Variants in STAG1 observed in about 807,000 individuals in gnomAD.
STAG1 encodes the protein STAG1 cohesin complex component.
In STAG1, 26 loss-of-function variants were observed where a neutral mutation model predicts 170.9. The observed-to-expected ratio is 0.15, with a 90% CI of 0.11 to 0.21. The LOEUF (loss-of-function observed/expected upper bound fraction) is 0.21, where lower values mean the gene tolerates loss of function less well. STAG1 is among the 10% of genes least tolerant of loss of function. STAG1 has a pLI of 1.00. For missense variants in STAG1, 964 were observed against 1,509.5 expected (o/e 0.64, Z 5.99); for synonymous variants, 514 against 497.7 (o/e 1.03, Z -0.44).
chr3:136,492,267 T>G (rs1454858981), intron 9 of STAG1, among the ~76,000 whole-genome samples: 1 of 152,242 alleles, frequency 6.6e-6, no homozygotes, highest in Admixed American at 6.5e-5. Flanking sequence ...AGTCAGGCTA[T>G]GACAGATCCA....
At chr3:136,724,452 G>A (rs887907905) in intron 1 of STAG1, among the ~76,000 whole-genome samples, 5 of 151,464 alleles carry the variant, frequency 3.3e-5, no homozygotes, top group Non-Finnish European at 7.4e-5. Context: ...AAGTACCCAG[G>A]GACACAAACA....
intron 13 of STAG1, among the ~76,000 whole-genome samples, chr3:136,456,264 T>C (rs2089108842): frequency 6.6e-6 from 1 of 151,912 alleles, no homozygotes; most frequent in East Asian, 1.9e-4. Context: ...AAAATCCAAA[T>C]AGAAAACTAA....
chr3:136,723,165 G>C (rs373130821), intron 1 of STAG1, among the ~76,000 whole-genome samples: 56 of 152,164 alleles, frequency 3.7e-4, no homozygotes, highest in Middle Eastern at 3.4e-3. Context: ...CGTCTGGGAC[G>C]TGAGGAGCCC....
chr3:136,708,971 T>TTA (rs1437998981), intron 1 of STAG1, among the ~76,000 whole-genome samples: 4 of 93,632 alleles, frequency 4.3e-5, no homozygotes, highest in Admixed American at 1.0e-4. Context: ...AGCTGGCTTT[T>TTA]TTTTTTTTTT....
At chr3:136,649,963 T>G (rs1380537789) in intron 1 of STAG1, among the ~76,000 whole-genome samples, 2 of 151,982 alleles carry the variant, frequency 1.3e-5, no homozygotes, top group African/African-American at 4.8e-5. Flanking sequence ...GAGAGGGGGT[T>G]TCACCGTGTC....
intron 1 of STAG1, among the ~76,000 whole-genome samples, chr3:136,676,200 A>T (rs1261807113): frequency 6.6e-6 from 1 of 152,212 alleles, no homozygotes; most frequent in Non-Finnish European, 1.5e-5. Context: ...AAGTTGCTCT[A>T]GGTGAGTGAG....
At chr3:136,522,518 T>G (rs1002513902) in intron 6 of STAG1, among the ~76,000 whole-genome samples, 1 of 141,006 alleles carries the variant, frequency 7.1e-6, no homozygotes, top group Admixed American at 7.7e-5. Flanking sequence ...CCCACTATAG[T>G]AGAGTTCCTC....
chr3:136,596,670 C>G (rs1938442338), intron 4 of STAG1, among the ~76,000 whole-genome samples: 2 of 152,184 alleles, frequency 1.3e-5, no homozygotes, highest in South Asian at 4.1e-4. Context: ...AGTACTGTAG[C>G]ATCATGTGTT....
intron 10 of STAG1, among the ~76,000 whole-genome samples, chr3:136,474,868 T>C (rs1335600307): frequency 1.3e-5 from 2 of 152,134 alleles, no homozygotes; most frequent in Non-Finnish European, 2.9e-5. Context: ...TAGAACCACC[T>C]AGCACATAGA....
chr3:136,467,205 C>T (rs56083120), intron 12 of STAG1, among the ~76,000 whole-genome samples: 3 of 152,128 alleles, frequency 2.0e-5, no homozygotes, highest in Admixed American at 2.0e-4. Context: ...TTAAAAGACA[C>T]AGACTGGCAA....
At chr3:136,419,501 G>C (rs749617241) in intron 20 of STAG1, among the ~76,000 whole-genome samples, 1 of 152,000 alleles carries the variant, frequency 6.6e-6, no homozygotes, top group Non-Finnish European at 1.5e-5. Context: ...CTGAGGTGCA[G>C]TGGTGTAATC....
intron 4 of STAG1, among the ~76,000 whole-genome samples, chr3:136,576,707 C>T (rs1450481433): frequency 2.0e-5 from 3 of 152,126 alleles, no homozygotes; most frequent in African/African-American, 7.2e-5. Flanking sequence ...TCTGCCTAAG[C>T]TCCCTGTAAG....
chr3:136,663,759 T>C (rs573997333), intron 1 of STAG1, among the ~76,000 whole-genome samples: 1 of 152,334 alleles, frequency 6.6e-6, no homozygotes, highest in East Asian at 1.9e-4. Flanking sequence ...AAAGCTGTTT[T>C]ATTTTGTTTT....
intron 1 of STAG1, among the ~76,000 whole-genome samples, chr3:136,744,104 G>A (rs998033554): frequency 1.3e-5 from 2 of 152,346 alleles, no homozygotes; most frequent in South Asian, 4.1e-4. Context: ...GAGGCAGGCA[G>A]ATCACCTGAA....
chr3:136,713,794 G>A (rs1346491783), intron 1 of STAG1, among the ~76,000 whole-genome samples: 5 of 152,008 alleles, frequency 3.3e-5, no homozygotes, highest in Admixed American at 2.6e-4. Flanking sequence ...AGGCCACAAT[G>A]GGCAGATTAC....
intron 22 of STAG1, among the ~76,000 whole-genome samples, chr3:136,379,949 A>G (rs906197767): frequency 9.9e-5 from 15 of 152,214 alleles, no homozygotes; most frequent in African/African-American, 3.1e-4. Flanking sequence ...TAAATGAATC[A>G]TATTCTAAAC....
At chr3:136,380,076 A>G (rs1364769731) in intron 22 of STAG1, among the ~76,000 whole-genome samples, 1 of 152,204 alleles carries the variant, frequency 6.6e-6, no homozygotes, top group East Asian at 1.9e-4. Context: ...CCATCACCCT[A>G]CAAAGTAAAT....
chr3:136,439,066 A>T (rs768989521), intron 15 of STAG1, among the ~76,000 whole-genome samples: 1 of 151,328 alleles, frequency 6.6e-6, no homozygotes, highest in Non-Finnish European at 1.5e-5. Context: ...TGTGGTGGTG[A>T]GCGCCTGTAA....
intron 5 of STAG1, among the ~76,000 whole-genome samples, chr3:136,565,151 G>C (rs540027538): frequency 2.0e-5 from 3 of 150,232 alleles, no homozygotes; most frequent in Non-Finnish European, 4.4e-5. Context: ...AAAGGAAAGA[G>C]AAGGGAAAGG....
Sources: gnomAD v4.1 joint callset for allele counts (sites outside exome capture counted in the v4.1 genomes callset) on GRCh38, gnomAD v4.1.1 for gene constraint, MANE v1.5 for transcripts, NCBI Gene and HGNC (gene_info 2026-07-23, HGNC 2026-07-21) for gene names.